PDCD11: variants seen among roughly 807,000 people sequenced by gnomAD.
The protein encoded by PDCD11 is programmed cell death 11.
A neutral mutation model predicts 198.9 loss-of-function variants in PDCD11; 97 were observed. The observed-to-expected ratio is 0.49, with a 90% CI of 0.41 to 0.58. The LOEUF (loss-of-function observed/expected upper bound fraction) is 0.58. PDCD11 is among the 20% of genes least tolerant of loss of function. The pLI, the probability that PDCD11 is intolerant of heterozygous loss-of-function variation, is 0.00. For synonymous variants in PDCD11, 893 were observed against 918.0 expected, an observed-to-expected ratio of 0.97 and a Z score of 0.49; for missense variants, 2,102 against 2,312.7, an observed-to-expected ratio of 0.91 and a Z score of 1.87.
In PDCD11 at chr10:103,444,600, C is replaced by T; in HGVS notation, c.5362C>T (p.Leu1788=). ...GGCCAAAGCCATTTTTGAGAACACG[C>T]TGAGCACCTACCCAAAGCGCACAGA... ...ERAKAIFENT[L]STYPKRTDVW... Residue 1788 remains leucine (L), a synonymous_variant, in exon 35 of 36, where the codon CTG becomes TTG. Coordinates refer to ENST00000369797, the MANE Select transcript of PDCD11 (RefSeq NM_014976.2). 1 of 1,614,170 alleles carries T rather than the reference C, an allele frequency of 6.2e-7. No homozygotes were observed. Among genetic ancestry groups the T allele is most frequent in the Non-Finnish European group, 8.5e-7 (1 of 1,180,018 alleles).
chr10:103,432,062 G>C (rs922908241), intron 21 of PDCD11, 67 bp from the exon 22 acceptor site: 2 of 1,222,296 alleles, frequency 1.6e-6, no homozygotes. Flanking sequence ...ACTTGGGAGA[G>C]ATGGTTTCAA....
chr10:103,437,478 G>GTTAT (rs368502106), intron 25 of PDCD11, among the ~76,000 whole-genome samples: 3,365 of 151,050 alleles, frequency 0.022, 48 homozygotes, highest in East Asian at 0.062. Context: ...AGTAGGTAGT[G>GTTAT]TTATTTATTT....
At chr10:103,438,932 TC>T in intron 27 of PDCD11, 124 bp downstream of exon 27, 1 of 925,318 alleles carries the variant, frequency 1.1e-6, no homozygotes, top group South Asian at 1.8e-5. Flanking sequence ...AGTTTATGAG[TC>T]CCCACTCATT....
chr10:103,418,709 A>G, intron 15 of PDCD11, 75 bp downstream of exon 15: 1 of 1,230,194 alleles, frequency 8.1e-7, no homozygotes, highest in Non-Finnish European at 1.2e-6. Flanking sequence ...TTCTGGGGAA[A>G]TTAGACAGCT....
At chr10:103,415,542 G>A (rs2031059605) in intron 12 of PDCD11, among the ~76,000 whole-genome samples, 1 of 152,232 alleles carries the variant, frequency 6.6e-6, no homozygotes, top group African/African-American at 2.4e-5. Flanking sequence ...CATGTGACAA[G>A]CATTATTTCA....
At chr10:103,399,363 T>A (rs931138240) in intron 2 of PDCD11, among the ~76,000 whole-genome samples, 11 of 151,948 alleles carry the variant, frequency 7.2e-5, no homozygotes, top group Admixed American at 6.6e-4. Flanking sequence ...GTTTTTGTTA[T>A]TTTTGTTGTT....
intron 22 of PDCD11, 131 bp downstream of exon 22, chr10:103,432,365 C>T (rs573773280): frequency 1.3e-4 from 89 of 664,870 alleles, no homozygotes; most frequent in Middle Eastern, 3.7e-4. Context: ...TTGTGGGAGA[C>T]AGTACGTGGC....
intron 16 of PDCD11, among the ~76,000 whole-genome samples, chr10:103,420,176 G>C (rs895855653): frequency 6.6e-6 from 1 of 152,010 alleles, no homozygotes; most frequent in African/African-American, 2.4e-5. Context: ...TGGGAGGGGT[G>C]AGTGCAGCTG....
chr10:103,413,981 G>C lies in PDCD11; in HGVS notation c.1201G>C (p.Asp401His). The C allele has an allele frequency of 6.2e-7, 1 of 1,612,362 alleles. No homozygotes were observed. Among genetic ancestry groups the C allele is most frequent in the South Asian group, 1.1e-5 (1 of 90,876 alleles). ...LAYARLSHLS[D>H]SKNVFNPEAF... is the part of the protein sequence containing the mutation. Reference sequence around the variant, plus strand: ...TACTTTGCAGCTCAGCCATCTCTCTGATTCTAAGAACGTCTTCAATCCTGA... The same window carrying C: ...TACTTTGCAGCTCAGCCATCTCTCTCATTCTAAGAACGTCTTCAATCCTGA... Residue 401 changes from aspartate to histidine, a missense_variant, in exon 10 of 36, where the codon GAT becomes CAT. Asp to His is a moderately conservative substitution (Grantham distance 81, BLOSUM62 -1). Transcript: ENST00000369797.
chr10:103,399,589 T>A (rs1256647115), intron 2 of PDCD11: 1 of 152,290 alleles, frequency 6.6e-6, no homozygotes. Context: ...TCACCTAGAC[T>A]AGGCTGTGCT....
At position 103,422,993 on chromosome 10, in the gene PDCD11, G is replaced by T; in HGVS notation, c.2503G>T (p.Val835Leu). The T allele has an allele frequency of 4.5e-6, 7 of 1,550,350 alleles. No individual in the cohort carries two copies. Among genetic ancestry groups the T allele is most frequent in the Non-Finnish European group, 6.1e-6 (7 of 1,150,142 alleles). The change falls in exon 18 of 36, where the codon GTG (valine) becomes TTG (leucine). Residue 835 changes from valine to leucine, a missense_variant. Transcript: ENST00000369797. ...VRSLMSNRDSVLIQTLAEMTP... is the reference protein window; with the variant it reads ...VRSLMSNRDSLLIQTLAEMTP... Reference sequence around the variant, plus strand: ...TTCCTTTGGATCTCTGGCAGACTCTGTGTTGATCCAGACGCTGGCCGAGAT... The same window carrying T: ...TTCCTTTGGATCTCTGGCAGACTCTTTGTTGATCCAGACGCTGGCCGAGAT...
chr10:103,405,251 C>G (rs1477569588), intron 5 of PDCD11, 68 bp downstream of exon 5: 1 of 1,491,394 alleles, frequency 6.7e-7, no homozygotes, highest in African/African-American at 1.4e-5. Context: ...GGAGCGTGGT[C>G]TAGGCCACCT....
chr10:103,404,911 T>C (rs1447491146), intron 4 of PDCD11, 111 bp from the exon 5 acceptor site: 1 of 939,724 alleles, frequency 1.1e-6, no homozygotes. Flanking sequence ...TCACCCACCT[T>C]TTGGGTTCTC....
intron 16 of PDCD11, 144 bp downstream of exon 16, chr10:103,419,852 T>G (rs1409171554): frequency 1.5e-6 from 1 of 647,598 alleles, no homozygotes; most frequent in Non-Finnish European, 2.5e-6. Context: ...TGCAGTGGTG[T>G]GATCTCTGCT....
At chr10:103,403,707 A>G (rs1054367921) in intron 4 of PDCD11, among the ~76,000 whole-genome samples, 10 of 152,228 alleles carry the variant, frequency 6.6e-5, no homozygotes, top group Non-Finnish European at 1.2e-4. Flanking sequence ...TCACTGGGGT[A>G]CAGCATAACG....
rs766242002 is a variant in PDCD11 at position 103,398,411 on chromosome 10, T to G, written c.-11-5T>G. The G allele has an allele frequency of 6.4e-7, 1 of 1,574,510 alleles. No individual in the cohort carries two copies. The highest frequency in any genetic ancestry group is 2.2e-5 in the East Asian group (1 of 44,700). On this transcript the variant is annotated splice_polypyrimidine_tract_variant and splice_region_variant and intron_variant, in intron 1 of 35. Coordinates refer to ENST00000369797, the MANE Select transcript of PDCD11 (RefSeq NM_014976.2). ...TGTCACCATTATCCTTTGCATTGTTTTTAGGAGACCCAAACATGGCAAACC... is the reference window on the plus strand; with the variant it reads ...TGTCACCATTATCCTTTGCATTGTTGTTAGGAGACCCAAACATGGCAAACC...
At position 103,441,812 on chromosome 10, in the gene PDCD11, C is replaced by T; in HGVS notation, c.4558-14C>T. On this transcript the variant is annotated splice_polypyrimidine_tract_variant and intron_variant, in intron 30 of 35. Coordinates refer to ENST00000369797, the MANE Select transcript of PDCD11 (RefSeq NM_014976.2). ...GAGCCAGGTGCTTTCTTTAGCGCCT[C>T]TGTGTTCCTCCAGGAGAAGCAAACC... 1.2e-6 allele frequency: 2 copies of T among 1,613,342 alleles called. No individual in the cohort carries two copies. The highest frequency in any genetic ancestry group is 1.7e-6 in the Non-Finnish European group (2 of 1,179,580).
rs1186200407 is a variant in PDCD11, at chr10:103,413,295, G to A, written c.1158G>A (p.Leu386=). ...AAAAGGCTGGGGCCACCTTTAGGCT[G>A]AAGGATGGGGTTCTGGCCTATGCCC... ...FFKKAGATFR[L]KDGVLAYARL... The change falls in exon 9 of 36, where the codon CTG becomes CTA. Residue 386 remains leucine, a synonymous_variant. Coordinates refer to ENST00000369797, the MANE Select transcript of PDCD11 (RefSeq NM_014976.2). The A allele has an allele frequency of 6.2e-7, 1 of 1,614,180 alleles. No homozygotes were observed. Among genetic ancestry groups the A allele is most frequent in the East Asian group, 2.2e-5 (1 of 44,886 alleles).
Position 103,443,207 on chromosome 10 carries a change from C to T in PDCD11, c.4998C>T (p.Asn1666=). ...TGAACGTGTGGGTGGCTCTGCTGAA[C>T]CTGGAGAACATGTACGGCTCTCAGG... is the stretch of plus-strand genomic sequence containing the variant. ...EKLNVWVALL[N]LENMYGSQES... Residue 1666 remains asparagine, a synonymous_variant, in exon 33 of 36, where the codon AAC becomes AAT. Coordinates refer to ENST00000369797, the MANE Select transcript of PDCD11 (RefSeq NM_014976.2). 1.9e-6 allele frequency: 3 copies of T among 1,606,354 alleles called. No individual in the cohort carries two copies. The highest frequency in any genetic ancestry group is 2.6e-6 in the Non-Finnish European group (3 of 1,174,228).
Sources: gnomAD v4.1 joint callset for allele counts (sites outside exome capture counted in the v4.1 genomes callset) on GRCh38, gnomAD v4.1.1 for gene constraint, MANE v1.5 for transcripts, NCBI Gene and HGNC (gene_info 2026-07-23, HGNC 2026-07-21) for gene names.